The following IKBKE variants were observed in gnomAD, a reference collection of about 807,000 sequenced individuals.
IKBKE encodes inhibitor of nuclear factor kappa B kinase subunit epsilon.
A neutral mutation model predicts 92.1 loss-of-function variants in IKBKE; 45 were observed. The ratio of observed to expected loss-of-function variants is 0.49; its 90% CI spans 0.38 to 0.63. The LOEUF (loss-of-function observed/expected upper bound fraction) is 0.63. Ranked by LOEUF, IKBKE falls within the 20% of genes least tolerant of loss-of-function variation. The pLI, the probability that IKBKE is intolerant of heterozygous loss-of-function variation, is 0.00. For missense variants in IKBKE, 700 were observed against 932.8 expected (o/e 0.75, Z 3.25); for synonymous variants, 374 against 380.3 (o/e 0.98, Z 0.19).
At chr1:206,491,332 A>G in intron 17 of IKBKE, 1 of 380,534 alleles carries the variant, frequency 2.6e-6, no homozygotes. Context: ...GCACTCACAC[A>G]CCTTCTTTCC....
chr1:206,492,829 C>A (rs782781878), intron 18 of IKBKE, 194 bp from the exon 19 acceptor site: 6 of 688,004 alleles, frequency 8.7e-6, no homozygotes, highest in Admixed American at 2.1e-5. Flanking sequence ...CCAGCCTCAG[C>A]CAGCTGTGTG....
chr1:206,473,557 A>G (rs1163728287), intron 3 of IKBKE, among the ~76,000 whole-genome samples: 1 of 152,240 alleles, frequency 6.6e-6, no homozygotes, highest in East Asian at 1.9e-4. Context: ...CAAGGCAAAC[A>G]TCCGAGGAAG....
intron 13 of IKBKE, among the ~76,000 whole-genome samples, chr1:206,484,667 A>T (rs1483852414): frequency 4.6e-5 from 7 of 152,244 alleles, no homozygotes; most frequent in African/African-American, 1.7e-4. Context: ...CAGGAACTTA[A>T]TTCTTTCCCT....
Position 206,477,832 on chromosome 1 carries a change from C to A in IKBKE, c.785C>A (p.Thr262Asn), listed in dbSNP as rs1553385854. Reference protein sequence around the residue: ...RENGPLEWSYTLPITCQLSLG... With the variant: ...RENGPLEWSYNLPITCQLSLG... ...AACGGGCCCCTGGAGTGGAGCTACA[C>A]CCTCCCCATCACCTGCCAGCTGTCA... The change falls in exon 8 of 22, where the codon ACC (threonine) becomes AAC (asparagine). Residue 262 changes from threonine (T) to asparagine (N), a missense_variant. By Grantham distance (65) the Thr-to-Asn change is moderately conservative. Transcript: ENST00000581977. 3 of 1,556,212 alleles carry A rather than the reference C, an allele frequency of 1.9e-6. No homozygotes were observed. Among genetic ancestry groups the A allele is most frequent in the African/African-American group, 1.4e-5 (1 of 73,422 alleles).
Position 206,478,906 on chromosome 1 carries a change from C to G in IKBKE, c.993-37C>G, listed in dbSNP as rs1169547223. The G allele has an allele frequency of 1.3e-6, 2 of 1,579,734 alleles. No individual in the cohort carries two copies. Among genetic ancestry groups the G allele is most frequent in the South Asian group, 2.2e-5 (2 of 90,410 alleles). ...TAGCCCCCTGCCTTGCCTACTGACA[C>G]CCCCTGCCCTCTGCTCCCCACCACG... On this transcript the variant is annotated intron_variant, in intron 9 of 21. Coordinates refer to ENST00000581977, the MANE Select transcript of IKBKE (RefSeq NM_014002.4). This position sits in a 1 kb window ranked among gnomAD's most constrained non-coding sequence, Gnocchi z 4.8.
chr1:206,494,899 C>T (rs782351970), intron 21 of IKBKE, among the ~76,000 whole-genome samples: 8 of 151,140 alleles, frequency 5.3e-5, no homozygotes, highest in Non-Finnish European at 1.2e-4. Context: ...CCACTGCGCC[C>T]GGCTACGTAC....
chr1:206,492,837 G>A (rs1666022940), intron 18 of IKBKE, 186 bp from the exon 19 acceptor site: 2 of 695,932 alleles, frequency 2.9e-6, no homozygotes, highest in South Asian at 1.5e-5. Flanking sequence ...AGCCAGCTGT[G>A]TGCTTCTGCA....
At position 206,496,502 on chromosome 1, in the gene IKBKE, G is replaced by A. The variant is rs560992075; in HGVS notation, c.*357G>A. The A allele has an allele frequency of 9.4e-6, 3 of 320,510 alleles. No homozygotes were observed. The highest frequency in any genetic ancestry group is 4.7e-5 in the Admixed American group (1 of 21,168). The allele number at this position is 320,510 out of a possible 1,614,324, so 19.9% of individuals were successfully genotyped here. On this transcript the variant is annotated 3_prime_UTR_variant, in exon 22 of 22. Transcript: ENST00000581977. ...CCTTCCCACTCCCTCTGGTTTATAG[G>A]ACTTCACTCCCTAGCCAACAGGAGA... is the stretch of plus-strand genomic sequence containing the variant.
chr1:206,476,114 A>C lies in IKBKE; in HGVS notation c.359-67A>C, dbSNP rs1443661284. ...GGATGCAAGGACAGCCTTCCCACCA[A>C]GATGAGCCTCAGACACTAGACTGTC... On this transcript the variant is annotated intron_variant, in intron 5 of 21. Coordinates refer to ENST00000581977, the MANE Select transcript of IKBKE (RefSeq NM_014002.4). The surrounding 1 kb of genome is among the most constrained non-coding windows in gnomAD (Gnocchi z 5.1). 4 of 1,507,250 alleles carry C rather than the reference A, an allele frequency of 2.7e-6. No individual in the cohort carries two copies. In the East Asian group the frequency reaches 6.9e-5, roughly 26 times the overall value. The allele number at this position is 1,507,250 out of a possible 1,614,324, so 93.4% of individuals were successfully genotyped here.
At chr1:206,475,893 C>A (rs1665039635) in intron 5 of IKBKE, among the ~76,000 whole-genome samples, 1 of 152,052 alleles carries the variant, frequency 6.6e-6, no homozygotes, top group Non-Finnish European at 1.5e-5. Flanking sequence ...CAATTGAACA[C>A]CTAATCAAAA....
chr1:206,487,696 G>C lies in IKBKE; in HGVS notation c.1617-218G>C, dbSNP rs1379050063. 6.6e-6 allele frequency among the ~76,000 whole-genome samples: 1 copy of C among 152,158 alleles called. No homozygotes were observed. On this transcript the variant is annotated intron_variant, in intron 15 of 21. Transcript: ENST00000581977. The surrounding 1 kb of genome is among the most constrained non-coding windows in gnomAD (Gnocchi z 5.3). ...ATGCTGCGAGTGCATGTGTGTGAGA[G>C]AGGAAGAATAAGCCATGAGAACGAG...
chr1:206,477,773 G>T lies in IKBKE; in HGVS notation c.726G>T (p.Pro242=). 6.4e-7 allele frequency: 1 copy of T among 1,567,276 alleles called. No individual in the cohort carries two copies. Among genetic ancestry groups the T allele is most frequent in the Non-Finnish European group, 8.6e-7 (1 of 1,156,270 alleles). ...EIMYRITTEK[P]AGAIAGAQRR... ...GGTACCGGATCACCACGGAGAAGCCGGCTGGGGCCATTGCAGGTGCCCAGA... is the reference window on the plus strand; with the variant it reads ...GGTACCGGATCACCACGGAGAAGCCTGCTGGGGCCATTGCAGGTGCCCAGA... The change falls in exon 8 of 22, where the codon CCG becomes CCT. Residue 242 remains proline, a synonymous_variant. Coordinates refer to ENST00000581977, the MANE Select transcript of IKBKE (RefSeq NM_014002.4).
intron 2 of IKBKE, among the ~76,000 whole-genome samples, chr1:206,471,731 G>A (rs1487829307): frequency 2.0e-5 from 3 of 152,178 alleles, no homozygotes; most frequent in African/African-American, 4.8e-5. Flanking sequence ...TGTAATGTCC[G>A]CTCCTACCTG....
chr1:206,470,813 C>T (rs1269503386), intron 1 of IKBKE, 115 bp downstream of exon 1: 3 of 152,262 alleles, frequency 2.0e-5, no homozygotes, highest in African/African-American at 7.2e-5. Flanking sequence ...GCGGTGCTCT[C>T]ACATAGAGCG....
At chr1:206,471,765 C>T (rs41295976) in intron 2 of IKBKE, among the ~76,000 whole-genome samples, 4,036 of 152,270 alleles carry the variant, frequency 0.027, 161 homozygotes, top group African/African-American at 0.088. Context: ...AGTTGACCAC[C>T]GATCTCTTCA....
intron 5 of IKBKE, 36 bp downstream of exon 5, chr1:206,475,030 CCA>C: frequency 6.2e-7 from 1 of 1,611,182 alleles, no homozygotes; most frequent in Non-Finnish European, 8.5e-7. Flanking sequence ...CACCCTCAGA[CCA>C]GCGGCAGGCC....
At position 206,490,410 on chromosome 1, in the gene IKBKE, GC is replaced by G. The variant is rs1558483711; in HGVS notation, c.1694-406del. ...ATTTCTCCAGCTCGTTGCAGGTAGC[GC>G]CCATGAACATTCAGGGATGGGACCA... On this transcript the variant is annotated intron_variant, in intron 16 of 21. Transcript: ENST00000581977. The surrounding 1 kb of genome is among the most constrained non-coding windows in gnomAD (Gnocchi z 5.2). Among the ~76,000 whole-genome samples the G allele has an allele frequency of 6.6e-6, 1 of 151,902 alleles. No homozygotes were observed. Among genetic ancestry groups the G allele is most frequent in the East Asian group, 1.9e-4 (1 of 5,166 alleles).
Position 206,478,261 on chromosome 1 carries a change from T to C in IKBKE, c.914T>C (p.Ile305Thr). 6.2e-7 allele frequency: 1 copy of C among 1,614,152 alleles called. No individual in the cohort carries two copies. ...FDQFFAETSD[I>T]LQRVVVHVFS... is the part of the protein sequence containing the mutation. ...CAGTTCTTTGCGGAGACCAGTGACA[T>C]CCTGCAGCGAGTTGTCGTCCATGTC... Residue 305 changes from isoleucine to threonine, a missense_variant, in exon 9 of 22, where the codon ATC becomes ACC. Physicochemically the swap from Ile to Thr is moderately conservative, Grantham distance 89. Transcript: ENST00000581977. The surrounding 1 kb of genome is among the most constrained non-coding windows in gnomAD (Gnocchi z 4.8).
Position 206,485,041 on chromosome 1 carries a change from C to A in IKBKE, c.1472C>A (p.Ala491Glu). Residue 491 changes from alanine to glutamate, a missense_variant, in exon 14 of 22, where the codon GCG becomes GAG. Coordinates refer to ENST00000581977, the MANE Select transcript of IKBKE (RefSeq NM_014002.4). The surrounding 1 kb of genome is among the most constrained non-coding windows in gnomAD (Gnocchi z 5.0). ...ACGCCTGAGATCCAGGAACTGAAGG[C>A]GGCTGCAGAACTGAGGTCCAGGCTG... is the stretch of plus-strand genomic sequence containing the variant. ...AGTPEIQELK[A>E]AAELRSRLRT... 6.2e-7 allele frequency: 1 copy of A among 1,614,028 alleles called. No homozygotes were observed. The highest frequency in any genetic ancestry group is 8.5e-7 in the Non-Finnish European group (1 of 1,179,912).
Sources: gnomAD v4.1 joint callset for allele counts (sites outside exome capture counted in the v4.1 genomes callset) on GRCh38, gnomAD v4.1.1 for gene constraint, Gnocchi (gnomAD v3.1) non-coding constraint, MANE v1.5 for transcripts, NCBI Gene and HGNC (gene_info 2026-07-23, HGNC 2026-07-21) for gene names.